The following EPC1 variants were observed in gnomAD, a reference collection of about 807,000 sequenced individuals.
EPC1 encodes the protein enhancer of polycomb homolog 1.
Under a neutral mutation model 98.4 loss-of-function variants are expected in EPC1, and 12 were observed. The observed-to-expected ratio is 0.12, with a 90% CI of 0.08 to 0.20. The LOEUF (loss-of-function observed/expected upper bound fraction) is 0.20. EPC1 is among the 10% of genes least tolerant of loss of function. EPC1 has a pLI of 1.00. For synonymous variants in EPC1, 357 were observed against 363.9 expected (o/e 0.98, Z 0.21); for missense variants, 729 against 990.5 (o/e 0.74, Z 3.54).
chr10:32,362,751 T>G (rs1434126070), intron 1 of EPC1, among the ~76,000 whole-genome samples: 1 of 152,208 alleles, frequency 6.6e-6, no homozygotes, highest in Admixed American at 6.5e-5. Context: ...AACTGCCTGG[T>G]AGATAAGGCA....
chr10:32,297,950 A>C (rs1835272379), intron 2 of EPC1, among the ~76,000 whole-genome samples: 1 of 152,058 alleles, frequency 6.6e-6, no homozygotes, highest in Admixed American at 6.5e-5. Flanking sequence ...GGCGCCCGCC[A>C]CCACACCCAG....
chr10:32,353,012 G>A (rs1035225245), intron 1 of EPC1, among the ~76,000 whole-genome samples: 5 of 152,192 alleles, frequency 3.3e-5, no homozygotes, highest in Middle Eastern at 6.8e-3. Flanking sequence ...AAAATTAGCT[G>A]GGCGTGGTGG....
intron 10 of EPC1, among the ~76,000 whole-genome samples, chr10:32,276,399 C>G (rs887537122): frequency 2.0e-5 from 3 of 152,218 alleles, no homozygotes; most frequent in African/African-American, 7.2e-5. Context: ...GTAATCCCAG[C>G]TACTCGGGAG....
rs1300499330 is a variant in EPC1, at chr10:32,286,680, C to G, written c.1391+14G>C. 1.2e-6 allele frequency: 2 copies of G among 1,613,308 alleles called. No homozygotes were observed. The highest frequency in any genetic ancestry group is 3.3e-5 in the Admixed American group (2 of 59,828). On this transcript the variant is annotated intron_variant, in intron 9 of 13. Transcript: ENST00000319778. ...CTAAAATATCCTTCTGCTAGGAATA[C>G]AGAAATACCTTACCTTCCACCGCGC...
At chr10:32,318,744 C>T (rs1218335701) in intron 1 of EPC1, among the ~76,000 whole-genome samples, 1 of 152,168 alleles carries the variant, frequency 6.6e-6, no homozygotes, top group Non-Finnish European at 1.5e-5. Flanking sequence ...ACAGATTTCT[C>T]ATTGGTTTTA....
chr10:32,340,568 G>A (rs1248480140), intron 1 of EPC1, among the ~76,000 whole-genome samples: 4 of 152,272 alleles, frequency 2.6e-5, no homozygotes, highest in East Asian at 1.9e-4. Context: ...AGTGGTTCTC[G>A]CCTATAATCT....
chr10:32,284,065 T>C (rs536053501), intron 10 of EPC1: 146 of 152,290 alleles, frequency 9.6e-4, no homozygotes, highest in African/African-American at 3.4e-3. Flanking sequence ...CTACAATATA[T>C]AGGCTTCAAA....
At chr10:32,360,365 G>T (rs1839407661) in intron 1 of EPC1, among the ~76,000 whole-genome samples, 1 of 152,194 alleles carries the variant, frequency 6.6e-6, no homozygotes, top group African/African-American at 2.4e-5. Context: ...TCCAAATCTG[G>T]TCAAGCTAGC....
At chr10:32,349,135 T>A (rs975054546), upstream of EPC1, among the ~76,000 whole-genome samples, 1 of 152,122 alleles carries the variant, frequency 6.6e-6, no homozygotes, top group Admixed American at 6.5e-5. Flanking sequence ...TGAATATTAT[T>A]CTGACAGCCC....
chr10:32,328,445 A>G (rs1286447536), intron 1 of EPC1, among the ~76,000 whole-genome samples: 1 of 152,236 alleles, frequency 6.6e-6, no homozygotes, highest in Non-Finnish European at 1.5e-5. Flanking sequence ...CAAACAACCC[A>G]GAGCCTGAAT....
chr10:32,306,062 T>A, intron 1 of EPC1, 131 bp from the exon 2 acceptor site: 1 of 778,814 alleles, frequency 1.3e-6, no homozygotes, highest in African/African-American at 1.8e-5. Flanking sequence ...CTTAAAAGCA[T>A]GTTGTTAACA....
chr10:32,342,387 C>G (rs1838419097), intron 1 of EPC1, among the ~76,000 whole-genome samples: 1 of 152,132 alleles, frequency 6.6e-6, no homozygotes, highest in Non-Finnish European at 1.5e-5. Context: ...AATGGGGTAA[C>G]CATTTTTTTC....
At chr10:32,342,002 G>A (rs1838388532) in intron 1 of EPC1, among the ~76,000 whole-genome samples, 1 of 152,200 alleles carries the variant, frequency 6.6e-6, no homozygotes, top group Non-Finnish European at 1.5e-5. Flanking sequence ...ATAATCCTCA[G>A]AACCCTAGCT....
At chr10:32,337,646 G>C (rs1838057647) in intron 1 of EPC1, among the ~76,000 whole-genome samples, 1 of 152,204 alleles carries the variant, frequency 6.6e-6, no homozygotes, top group Admixed American at 6.5e-5. Flanking sequence ...ATTTGTGCCT[G>C]ATGGAACTTT....
At chr10:32,378,032 C>T (rs1292450684) in intron 1 of EPC1, among the ~76,000 whole-genome samples, 1 of 152,094 alleles carries the variant, frequency 6.6e-6, no homozygotes, top group African/African-American at 2.4e-5. Flanking sequence ...CTTCATTATA[C>T]CAAGGGCAGC....
intron 1 of EPC1, among the ~76,000 whole-genome samples, chr10:32,370,993 C>G (rs1411064475): frequency 6.6e-6 from 1 of 152,208 alleles, no homozygotes; most frequent in South Asian, 2.1e-4. Flanking sequence ...GAGAAGACCT[C>G]CAATGGTATG....
chr10:32,320,761 A>C (rs1347842591), intron 1 of EPC1, among the ~76,000 whole-genome samples: 5 of 151,594 alleles, frequency 3.3e-5, no homozygotes, highest in Non-Finnish European at 7.4e-5. Flanking sequence ...CGCCCAGCTA[A>C]TTTTCAGTAG....
chr10:32,371,527 T>C (rs1179470151), intron 1 of EPC1, among the ~76,000 whole-genome samples: 1 of 152,176 alleles, frequency 6.6e-6, no homozygotes, highest in Non-Finnish European at 1.5e-5. Flanking sequence ...CGTGCTATTT[T>C]AAAAAGGTAA....
chr10:32,327,069 A>T (rs1837335178), intron 1 of EPC1, among the ~76,000 whole-genome samples: 1 of 150,226 alleles, frequency 6.7e-6, no homozygotes, highest in Non-Finnish European at 1.5e-5. Context: ...GGTGACACAC[A>T]CACACACACA....
Sources: gnomAD v4.1 joint callset for allele counts (sites outside exome capture counted in the v4.1 genomes callset) on GRCh38, gnomAD v4.1.1 for gene constraint, MANE v1.5 for transcripts, NCBI Gene and HGNC (gene_info 2026-07-23, HGNC 2026-07-21) for gene names.